Variants in GRIA1 observed in about 807,000 individuals in gnomAD.
GRIA1 encodes glutamate receptor 1.
GRIA1 carries 31 observed loss-of-function variants against 99.2 expected under a neutral mutation model. The observed-to-expected ratio is 0.31, with a 90% CI of 0.23 to 0.42. The LOEUF is 0.42. Ranked by LOEUF, GRIA1 falls within the 10% of genes least tolerant of loss-of-function variation. The probability of loss-of-function intolerance (pLI) is 1.00; values close to 1 mark genes in which losing one functional copy is unlikely to be tolerated. For missense variants in GRIA1, 782 were observed against 1,157.5 expected (o/e 0.68, Z 4.71); for synonymous variants, 438 against 432.4 (o/e 1.01, Z -0.16).
chr5:153,586,913 C>T (rs1763533416), intron 2 of GRIA1, among the ~76,000 whole-genome samples: 1 of 152,222 alleles, frequency 6.6e-6, no homozygotes, highest in Non-Finnish European at 1.5e-5. Context: ...AGGCACGTTT[C>T]CAGACAGGGT....
chr5:153,549,969 G>A (rs1375083192), intron 2 of GRIA1, among the ~76,000 whole-genome samples: 1 of 152,096 alleles, frequency 6.6e-6, no homozygotes, highest in Non-Finnish European at 1.5e-5. Flanking sequence ...CTTACTATCG[G>A]TATGAAATTG....
chr5:153,663,720 G>GA (rs949427634), intron 5 of GRIA1, among the ~76,000 whole-genome samples: 3 of 152,060 alleles, frequency 2.0e-5, no homozygotes, highest in Non-Finnish European at 1.5e-5. Context: ...TTTTCAAAAG[G>GA]AAAAAAATCA....
chr5:153,516,062 T>C (rs2113342725), intron 2 of GRIA1, among the ~76,000 whole-genome samples: 1 of 151,976 alleles, frequency 6.6e-6, no homozygotes, highest in Non-Finnish European at 1.5e-5. Flanking sequence ...CTACTAAAAA[T>C]ACAAAAAATC....
rs148214839 is a variant in GRIA1 at position 153,781,420 on chromosome 5, C to A, written c.2270+11005C>A. On this transcript the variant is annotated intron_variant, in intron 13 of 15. Transcript: ENST00000285900. ...CCCTGTGGCCCACAAACACAACTTT[C>A]CCCCACTCCTGTATCTTCACTTGTA... Among the ~76,000 whole-genome samples, 586 of 152,138 alleles carry A rather than the reference C, an allele frequency of 3.9e-3. 7 individuals carry two copies. The highest frequency in any genetic ancestry group is 0.013 in the African/African-American group (551 of 41,508).
intron 2 of GRIA1, among the ~76,000 whole-genome samples, chr5:153,527,017 C>G (rs2113406638): frequency 6.6e-6 from 1 of 152,276 alleles, no homozygotes; most frequent in East Asian, 1.9e-4. Context: ...TTGTTTGTTT[C>G]ATTCATTTAA....
rs200844104 is a variant in GRIA1 at position 153,686,180 on chromosome 5, A to C, written c.1030-45A>C. 8.8e-6 allele frequency: 12 copies of C among 1,359,472 alleles called. No individual in the cohort carries two copies. In the East Asian group the frequency reaches 2.1e-4, roughly 23 times the overall value. The allele number at this position is 1,359,472 out of a possible 1,614,324, so 84.2% of individuals were successfully genotyped here. ...TCAGTGGAAAAAGCAAACACACATA[A>C]AGTACATCTGAGTTCACTGCCCACC... On this transcript the variant is annotated intron_variant, in intron 7 of 15. Coordinates refer to ENST00000285900, the MANE Select transcript of GRIA1 (RefSeq NM_000827.4).
chr5:153,751,772 CT>C (rs1212321235), intron 11 of GRIA1, among the ~76,000 whole-genome samples: 1 of 152,250 alleles, frequency 6.6e-6, no homozygotes, highest in Non-Finnish European at 1.5e-5. Flanking sequence ...TCCTTACTAT[CT>C]TCCGTTAGCA....
intron 2 of GRIA1, among the ~76,000 whole-genome samples, chr5:153,601,608 G>A (rs1387821539): frequency 6.6e-6 from 1 of 152,212 alleles, no homozygotes; most frequent in African/African-American, 2.4e-5. Flanking sequence ...CAGATTGTTA[G>A]GGCTGAGCTG....
At chr5:153,670,582 A>G (rs1253572581) in intron 5 of GRIA1, among the ~76,000 whole-genome samples, 1 of 152,166 alleles carries the variant, frequency 6.6e-6, no homozygotes, top group Non-Finnish European at 1.5e-5. Context: ...ATAATTAGCA[A>G]TGTAGTATTT....
intron 10 of GRIA1, among the ~76,000 whole-genome samples, chr5:153,702,583 T>A (rs1211843716): frequency 6.6e-6 from 1 of 152,234 alleles, no homozygotes; most frequent in Non-Finnish European, 1.5e-5. Context: ...ACGTATTTTG[T>A]TTTGGGATCT....
At chr5:153,752,496 T>C (rs1762568585) in intron 11 of GRIA1, among the ~76,000 whole-genome samples, 1 of 152,220 alleles carries the variant, frequency 6.6e-6, no homozygotes, top group Admixed American at 6.5e-5. Context: ...GTGTTAAATA[T>C]ACTGTGAGCT....
At position 153,712,832 on chromosome 5, in the gene GRIA1, G is replaced by T. The variant is rs532624617; in HGVS notation, c.1823+6765G>T. The stretch of plus-strand genomic sequence containing the variant: ...GGGGGTTTCTGCTGGGACCCTCTGC[G>T]TCAGAATTACCTGGGATGTTTGTCC... On this transcript the variant is annotated intron_variant, in intron 11 of 15. Coordinates refer to ENST00000285900, the MANE Select transcript of GRIA1 (RefSeq NM_000827.4). Among the ~76,000 whole-genome samples, 64 of 152,254 alleles carry T rather than the reference G, an allele frequency of 4.2e-4. 2 individuals carry two copies. In the South Asian group the frequency reaches 0.013, roughly 31 times the overall value.
chr5:153,520,865 C>T lies in GRIA1; in HGVS notation c.220+26800C>T, dbSNP rs1757072486. Among the ~76,000 whole-genome samples the T allele has an allele frequency of 2.0e-5, 3 of 152,174 alleles. No individual in the cohort carries two copies. The South Asian group carries it at 6.2e-4, about 32-fold the overall frequency. ...CAATTATATTTCTTACTTTCACTGG[C>T]TTATTTCATTTAATCATGAAAGCAT... On this transcript the variant is annotated intron_variant, in intron 2 of 15. Transcript: ENST00000285900.
At chr5:153,685,993 C>A (rs1757313639) in intron 7 of GRIA1, among the ~76,000 whole-genome samples, 1 of 152,044 alleles carries the variant, frequency 6.6e-6, no homozygotes, top group Non-Finnish European at 1.5e-5. Context: ...TTAGTATTTG[C>A]CTAAAGAAAT....
At chr5:153,741,960 G>GAAAT (rs924416139) in intron 11 of GRIA1, among the ~76,000 whole-genome samples, 6 of 148,980 alleles carry the variant, frequency 4.0e-5, no homozygotes, top group African/African-American at 1.5e-4. Context: ...AGAAAAAGAG[G>GAAAT]AAATATGCCT....
At chr5:153,678,045 C>T (rs1756717727) in intron 7 of GRIA1, among the ~76,000 whole-genome samples, 1 of 152,172 alleles carries the variant, frequency 6.6e-6, no homozygotes, top group South Asian at 2.1e-4. Flanking sequence ...AAGCATTGGC[C>T]ACAATGACAA....
chr5:153,706,172 G>C (rs1758885045), intron 11 of GRIA1, 105 bp downstream of exon 11: 1 of 1,105,300 alleles, frequency 9.0e-7, no homozygotes, highest in Non-Finnish European at 1.3e-6. Context: ...AATTATTTCA[G>C]ACCACTGTAT....
rs182487680 is a variant in GRIA1, at chr5:153,584,408, G to T, written c.221-62520G>T. Among the ~76,000 whole-genome samples the T allele has an allele frequency of 8.5e-4, 129 of 152,234 alleles. 1 individual carries two copies. Among genetic ancestry groups the T allele is most frequent in the Admixed American group, 3.3e-3 (50 of 15,278 alleles). Reference sequence around the variant, plus strand: ...TGAGATGTTACTCAGTGGAAATATTGGTTGTCGTGCCCAATTTGTGTCCCC... The same window carrying T: ...TGAGATGTTACTCAGTGGAAATATTTGTTGTCGTGCCCAATTTGTGTCCCC... On this transcript the variant is annotated intron_variant, in intron 2 of 15. Coordinates refer to ENST00000285900, the MANE Select transcript of GRIA1 (RefSeq NM_000827.4).
chr5:153,737,756 T>C (rs1338575374), intron 11 of GRIA1, among the ~76,000 whole-genome samples: 1 of 152,166 alleles, frequency 6.6e-6, no homozygotes, highest in Non-Finnish European at 1.5e-5. Flanking sequence ...CAAGCAAGCA[T>C]TATTCCTTCT....
Sources: allele counts gnomAD v4.1 joint callset (sites outside exome capture counted in the v4.1 genomes callset), GRCh38; gene constraint gnomAD v4.1.1; transcripts MANE v1.5; gene names NCBI Gene and HGNC (gene_info 2026-07-23, HGNC 2026-07-21).